Variants in TRERF1 observed in about 807,000 individuals in gnomAD.
TRERF1 encodes transcriptional regulating factor 1.
In TRERF1, 27 loss-of-function variants were observed where a neutral mutation model predicts 122.9. The ratio of observed to expected loss-of-function variants is 0.22; its 90% CI spans 0.16 to 0.30. TRERF1 has a LOEUF of 0.30. Ranked by LOEUF, TRERF1 falls within the 10% of genes least tolerant of loss-of-function variation. The pLI, the probability that TRERF1 is intolerant of heterozygous loss-of-function variation, is 1.00. For missense variants in TRERF1, 1,248 were observed against 1,560.3 expected, an observed-to-expected ratio of 0.80 and a Z score of 3.37; for synonymous variants, 636 against 641.7, an observed-to-expected ratio of 0.99 and a Z score of 0.13.
rs73733121 is a variant in TRERF1 at position 42,233,026 on chromosome 6, T to C, written c.3067-134A>G. 2,711 of 1,317,012 alleles carry C rather than the reference T, an allele frequency of 2.1e-3. 53 individuals are homozygous for C. The African/African-American group carries it at 0.035, about 17-fold the overall frequency. The allele number at this position is 1,317,012 out of a possible 1,614,324, so 81.6% of individuals were successfully genotyped here. A position where few individuals can be genotyped will look rare whatever the true frequency, so the allele number is the denominator to read the frequency against. On this transcript the variant is annotated intron_variant, in intron 16 of 17. Coordinates refer to ENST00000372922, the Ensembl canonical transcript of TRERF1. ...CACAAGGGTTTTATATAAGCAAACT[T>C]TGGGCATATGCTACAAAAGGTAAAG... is the stretch of plus-strand genomic sequence containing the variant.
At chr6:42,371,462 C>T (rs944496498) in intron 2 of TRERF1, among the ~76,000 whole-genome samples, 1 of 152,134 alleles carries the variant, frequency 6.6e-6, no homozygotes, top group Non-Finnish European at 1.5e-5. Flanking sequence ...TTAAGCAGCC[C>T]CACACAGGAG....
At chr6:42,233,843 A>T (rs1003564593) in intron 16 of TRERF1, among the ~76,000 whole-genome samples, 3 of 152,168 alleles carry the variant, frequency 2.0e-5, no homozygotes, top group African/African-American at 7.2e-5. Flanking sequence ...AGGTTTTCTG[A>T]CGTATTCTAC....
intron 13 of TRERF1, among the ~76,000 whole-genome samples, chr6:42,252,763 G>A (rs1249545180): frequency 6.6e-6 from 1 of 152,198 alleles, no homozygotes; most frequent in East Asian, 1.9e-4. Context: ...TAAGGAGATG[G>A]TTTTGGGTCA....
At chr6:42,342,417 C>T (rs1429476224) in intron 3 of TRERF1, among the ~76,000 whole-genome samples, 1 of 152,114 alleles carries the variant, frequency 6.6e-6, no homozygotes, top group Non-Finnish European at 1.5e-5. Flanking sequence ...CAACTCCAGC[C>T]CCTACTCATG....
chr6:42,229,521 T>C (rs34806327), intron 17 of TRERF1, among the ~76,000 whole-genome samples: 9,222 of 152,268 alleles, frequency 0.061, 353 homozygotes, highest in East Asian at 0.088. Context: ...AAGTGGACTG[T>C]TGTCCTCTCC....
Position 42,256,668 on chromosome 6 carries a change from T to A in TRERF1, c.2580+60A>T, listed in dbSNP as rs1302623900. The A allele has an allele frequency of 8.0e-6, 12 of 1,500,674 alleles. No homozygotes were observed. In the East Asian group the frequency reaches 2.3e-4, roughly 28 times the overall value. 93.0% of individuals were successfully genotyped at this position (1,500,674 alleles called of 1,614,324 possible). ...TGGTTGTATGGTACATGAGACAATATTGAAACTTGGGAAAATACTCTTCAG... is the reference window on the plus strand; with the variant it reads ...TGGTTGTATGGTACATGAGACAATAATGAAACTTGGGAAAATACTCTTCAG... On this transcript the variant is annotated intron_variant, in intron 12 of 17. Coordinates refer to ENST00000372922, the Ensembl canonical transcript of TRERF1.
intron 2 of TRERF1, among the ~76,000 whole-genome samples, chr6:42,364,498 A>T (rs1251649022): frequency 6.6e-6 from 1 of 152,246 alleles, no homozygotes; most frequent in Non-Finnish European, 1.5e-5. Context: ...TAGGTGCTCA[A>T]GAAATAGCTG....
At chr6:42,326,642 GCAAGA>G (rs1357912329) in intron 3 of TRERF1, among the ~76,000 whole-genome samples, 2 of 152,202 alleles carry the variant, frequency 1.3e-5, no homozygotes, top group Non-Finnish European at 2.9e-5. Flanking sequence ...GTGACAAGGA[GCAAGA>G]CTCCCTTTCC....
intron 2 of TRERF1, among the ~76,000 whole-genome samples, chr6:42,420,570 A>G (rs868152705): frequency 5.3e-5 from 8 of 152,368 alleles, no homozygotes; most frequent in Middle Eastern, 6.8e-3. Context: ...AAGTTAATTC[A>G]TGCTTATTAG....
At chr6:42,293,217 G>A (rs1784576683) in intron 4 of TRERF1, among the ~76,000 whole-genome samples, 1 of 152,212 alleles carries the variant, frequency 6.6e-6, no homozygotes, top group Admixed American at 6.5e-5. Flanking sequence ...GACAGTTTGT[G>A]GGGGACACTC....
At chr6:42,237,026 T>C (rs1562115185) in intron 15 of TRERF1, among the ~76,000 whole-genome samples, 1 of 152,260 alleles carries the variant, frequency 6.6e-6, no homozygotes, top group Non-Finnish European at 1.5e-5. Flanking sequence ...TTATTTGTCA[T>C]GTGCTTTTCC....
intron 4 of TRERF1, among the ~76,000 whole-genome samples, chr6:42,270,390 T>G (rs1055675837): frequency 6.6e-5 from 10 of 152,240 alleles, no homozygotes; most frequent in African/African-American, 2.4e-4. Flanking sequence ...CATTGATTAA[T>G]TCATCCATTC....
At chr6:42,314,166 A>G (rs897834661) in intron 3 of TRERF1, among the ~76,000 whole-genome samples, 1 of 152,146 alleles carries the variant, frequency 6.6e-6, no homozygotes, top group African/African-American at 2.4e-5. Context: ...ATGCATGTAC[A>G]TATTAGGAAA....
chr6:42,423,550 C>A (rs1215362187), intron 2 of TRERF1, among the ~76,000 whole-genome samples: 2 of 152,128 alleles, frequency 1.3e-5, no homozygotes, highest in Non-Finnish European at 2.9e-5. Context: ...CCCAGCACCA[C>A]CTTGCATGGG....
At chr6:42,318,602 G>A (rs998837766) in intron 3 of TRERF1, among the ~76,000 whole-genome samples, 18 of 152,224 alleles carry the variant, frequency 1.2e-4, no homozygotes, top group African/African-American at 4.3e-4. Flanking sequence ...AAAGGCTCCA[G>A]AATGGATACT....
Position 42,275,556 on chromosome 6 carries a change from T to A in TRERF1, c.-258-5708A>T, listed in dbSNP as rs1035681133. Among the ~76,000 whole-genome samples the A allele has an allele frequency of 2.6e-4, 39 of 152,328 alleles. No homozygotes were observed. Among genetic ancestry groups the A allele is most frequent in the Admixed American group, 5.9e-4 (9 of 15,294 alleles). Reference sequence around the variant, plus strand: ...TGATGTAGGGACAGCAGCCTGCCCATGTGGTGTCCTCAGGGACTGGGACAT... The same window carrying A: ...TGATGTAGGGACAGCAGCCTGCCCAAGTGGTGTCCTCAGGGACTGGGACAT... On this transcript the variant is annotated intron_variant, in intron 4 of 17. Transcript: ENST00000372922. This position sits in a 1 kb window ranked among gnomAD's most constrained non-coding sequence, Gnocchi z 4.1.
At chr6:42,246,687 T>C (rs1774863603) in intron 13 of TRERF1, 143 bp from the exon 14 acceptor site, 9 of 558,298 alleles carry the variant, frequency 1.6e-5, no homozygotes, top group Non-Finnish European at 2.1e-5. Flanking sequence ...AAAAAGATAG[T>C]GTGATATAAT....
chr6:42,408,210 A>AAT (rs34821629), intron 2 of TRERF1, among the ~76,000 whole-genome samples: 2,078 of 106,988 alleles, frequency 0.019, 104 homozygotes, highest in Non-Finnish European at 0.024. Flanking sequence ...TATATAAATA[A>AAT]ATATATATAT....
intron 2 of TRERF1, among the ~76,000 whole-genome samples, chr6:42,372,182 AAAAAAC>A (rs1162884593): frequency 2.0e-5 from 3 of 152,144 alleles, no homozygotes; most frequent in African/African-American, 4.8e-5. Flanking sequence ...ATTCAGTCTC[AAAAAAC>A]AAAAACAAAA....
Sources: allele counts gnomAD v4.1 joint callset (sites outside exome capture counted in the v4.1 genomes callset), GRCh38; gene constraint gnomAD v4.1.1; non-coding constraint Gnocchi (gnomAD v3.1); transcripts MANE v1.5; gene names NCBI Gene and HGNC (gene_info 2026-07-23, HGNC 2026-07-21).